The following ZNG1F variants were observed in gnomAD, a reference collection of about 807,000 sequenced individuals.
ZNG1F encodes zinc-regulated GTPase metalloprotein activator 1F.
the ZNG1F span, chr9:41,185,936 G>T: frequency 8.9e-6 from 1 of 112,610 alleles, no homozygotes. Context: ...CAATTCACCA[G>T]AGGAATAAAC....
the ZNG1F span, among the ~76,000 whole-genome samples, chr9:41,150,462 GA>G: frequency 8.2e-6 from 1 of 121,408 alleles, no homozygotes; most frequent in Non-Finnish European, 1.7e-5. Flanking sequence ...CAACTGGGTG[GA>G]GCCCACCACA....
chr9:41,187,124 A>G, the ZNG1F span, among the ~76,000 whole-genome samples: 2 of 147,926 alleles, frequency 1.4e-5, no homozygotes, highest in Non-Finnish European at 3.0e-5. Context: ...TTTTAACCAT[A>G]TTATGAAAAA....
the ZNG1F span, among the ~76,000 whole-genome samples, chr9:41,197,762 C>T: frequency 8.1e-4 from 105 of 129,638 alleles, 3 homozygotes; most frequent in African/African-American, 2.7e-3. Context: ...TGGTTAGCTT[C>T]GCTTATTAAA....
At chr9:41,200,731 G>T in the ZNG1F span, among the ~76,000 whole-genome samples, 2 of 151,726 alleles carry the variant, frequency 1.3e-5, no homozygotes, top group Admixed American at 1.3e-4. Context: ...ACATGGCTGG[G>T]GAGGCCTCAC....
the ZNG1F span, among the ~76,000 whole-genome samples, chr9:41,187,226 T>A: frequency 7.3e-6 from 1 of 137,372 alleles, no homozygotes; most frequent in Non-Finnish European, 1.6e-5. Flanking sequence ...AACAAGATAG[T>A]CTCTGCCTTC....
At chr9:41,145,068 AC>A in the ZNG1F span, among the ~76,000 whole-genome samples, 2 of 21,990 alleles carry the variant, frequency 9.1e-5, no homozygotes, top group East Asian at 1.7e-3. Context: ...AGATTCTAAA[AC>A]AAATCTGGTT....
the ZNG1F span, chr9:41,132,637 A>T: frequency 3.2e-6 from 2 of 622,432 alleles, no homozygotes; most frequent in African/African-American, 3.9e-5. Context: ...TTTCAGTGTT[A>T]TTTATCACAA....
the ZNG1F span, among the ~76,000 whole-genome samples, chr9:41,184,009 A>G: frequency 6.7e-6 from 1 of 149,846 alleles, no homozygotes; most frequent in South Asian, 2.1e-4. Flanking sequence ...TATGTTTTAT[A>G]TACTGGATTC....
the ZNG1F span, among the ~76,000 whole-genome samples, chr9:41,197,718 A>T: frequency 7.5e-6 from 1 of 134,060 alleles, no homozygotes; most frequent in Non-Finnish European, 1.6e-5. Context: ...TTTAATAATA[A>T]ACTTTATTCT....
the ZNG1F span, among the ~76,000 whole-genome samples, chr9:41,140,497 AT>A: frequency 4.5e-5 from 2 of 44,084 alleles, no homozygotes; most frequent in Admixed American, 3.0e-4. Context: ...AATAATATGC[AT>A]TTTTAAATGA....
chr9:41,152,370 C>T, the ZNG1F span, among the ~76,000 whole-genome samples: 1 of 149,620 alleles, frequency 6.7e-6, no homozygotes, highest in African/African-American at 2.5e-5. Context: ...TAGAGACCTA[C>T]AAAGAGACTT....
the ZNG1F span, among the ~76,000 whole-genome samples, chr9:41,148,708 C>CTTTT: frequency 6.7e-4 from 90 of 133,558 alleles, no homozygotes; most frequent in Middle Eastern, 7.6e-3. Context: ...TTCTTTCTTT[C>CTTTT]TTTTTTTTTT....
At chr9:41,155,290 C>G in the ZNG1F span, among the ~76,000 whole-genome samples, 1 of 150,406 alleles carries the variant, frequency 6.6e-6, no homozygotes, top group Non-Finnish European at 1.5e-5. Flanking sequence ...AAATGCAAAT[C>G]AAAACCACAA....
At chr9:41,169,775 A>C in the ZNG1F span, among the ~76,000 whole-genome samples, 1 of 148,506 alleles carries the variant, frequency 6.7e-6, no homozygotes, top group Non-Finnish European at 1.5e-5. Context: ...GGTGATGGAT[A>C]ATGTTTGATA....
the ZNG1F span, among the ~76,000 whole-genome samples, chr9:41,198,218 A>G: frequency 6.8e-6 from 1 of 147,962 alleles, no homozygotes; most frequent in Non-Finnish European, 1.5e-5. Flanking sequence ...CCTGACCGAC[A>G]TGGTGAAACC....
At chr9:41,139,707 A>G in the ZNG1F span, among the ~76,000 whole-genome samples, 1 of 151,832 alleles carries the variant, frequency 6.6e-6, no homozygotes, top group African/African-American at 2.4e-5. Flanking sequence ...CCAAGACACT[A>G]ACAACCACCT....
chr9:41,177,821 C>A, the ZNG1F span: 1 of 31,368 alleles, frequency 3.2e-5, no homozygotes, highest in Non-Finnish European at 5.5e-5. Flanking sequence ...GTATAAGAAC[C>A]CAAAGAATGC....
At chr9:41,139,916 A>T in the ZNG1F span, among the ~76,000 whole-genome samples, 2 of 152,040 alleles carry the variant, frequency 1.3e-5, no homozygotes, top group Non-Finnish European at 2.9e-5. Flanking sequence ...AAACAGTAAA[A>T]CTCATCAAAT....
At chr9:41,176,675 CTTGGG>C in the ZNG1F span, 1 of 149,288 alleles carries the variant, frequency 6.7e-6, no homozygotes, top group Non-Finnish European at 1.5e-5. Context: ...GAAAAACAAA[CTTGGG>C]TAAGGAGAGT....
Sources: gnomAD v4.1 joint callset for allele counts (sites outside exome capture counted in the v4.1 genomes callset) on GRCh38, gnomAD v4.1.1 for gene constraint, MANE v1.5 for transcripts, NCBI Gene and HGNC (gene_info 2026-07-23, HGNC 2026-07-21) for gene names.